Variants in BRWD3 observed in about 807,000 individuals in gnomAD.
The protein encoded by BRWD3 is bromodomain and WD repeat domain containing 3, also known as bromodomain and WD repeat-containing protein 3.
A neutral mutation model predicts 149.7 loss-of-function variants in BRWD3; 10 were observed. The observed-to-expected ratio is 0.07, with a 90% CI of 0.04 to 0.11. BRWD3 has a LOEUF of 0.11. BRWD3 is among the 10% of genes least tolerant of loss of function. The pLI, the probability that BRWD3 is intolerant of heterozygous loss-of-function variation, is 1.00. For missense variants in BRWD3, 940 were observed against 1,373.2 expected (o/e 0.68, Z 4.99); for synonymous variants, 504 against 456.7 (o/e 1.10, Z -1.32).
intron 20 of BRWD3, among the ~76,000 whole-genome samples, chrX:80,715,633 C>G (rs1017458586): frequency 3.6e-5 from 4 of 112,076 alleles, no homozygotes; most frequent in Non-Finnish European, 7.5e-5. Flanking sequence ...TGCAAAGGAC[C>G]AAAGTGTAAA....
At position 80,690,934 on chromosome X, in the gene BRWD3, A is replaced by C. The variant is rs902667301; in HGVS notation, c.3602+119T>G. The C allele has an allele frequency of 3.5e-6, 3 of 862,712 alleles. No homozygotes were observed. The African/African-American group carries it at 6.2e-5, about 18-fold the overall frequency. The allele number at this position is 862,712 out of a possible 1,213,427, so 71.1% of individuals were successfully genotyped here. On this transcript the variant is annotated intron_variant, in intron 31 of 40. Coordinates refer to ENST00000373275, the MANE Select transcript of BRWD3 (RefSeq NM_153252.5). Reference sequence around the variant, plus strand: ...AATTAATGTTCTAAATTTTTAAAGGAAATTTTGGTGTGGGTCTTTTGGATG... The same window carrying C: ...AATTAATGTTCTAAATTTTTAAAGGCAATTTTGGTGTGGGTCTTTTGGATG...
At chrX:80,688,952 C>T (rs1484293156) in intron 33 of BRWD3, among the ~76,000 whole-genome samples, 1 of 105,207 alleles carries the variant, frequency 9.5e-6, no homozygotes, top group Non-Finnish European at 2.0e-5. Context: ...CATTTAACTG[C>T]AATAATATAT....
chrX:80,690,702 ACT>A (rs927760178), intron 31 of BRWD3, among the ~76,000 whole-genome samples: 18 of 111,147 alleles, frequency 1.6e-4, no homozygotes, highest in African/African-American at 5.9e-4. Flanking sequence ...AATCTAATTA[ACT>A]CTGACCAAAT....
chrX:80,741,113 G>C (rs1466058266), intron 8 of BRWD3, among the ~76,000 whole-genome samples: 1 of 108,992 alleles, frequency 9.2e-6, no homozygotes, highest in African/African-American at 3.4e-5. Flanking sequence ...CCTGTGTCCA[G>C]GTGTTCTCAT....
At chrX:80,778,860 G>A (rs749941576) in intron 6 of BRWD3, among the ~76,000 whole-genome samples, 192 of 111,168 alleles carry the variant, frequency 1.7e-3, no homozygotes, top group Non-Finnish European at 3.3e-3. Context: ...TTAGCTGAGC[G>A]TGGTGGTGCA....
At chrX:80,751,128 A>G (rs1396710604) in intron 6 of BRWD3, among the ~76,000 whole-genome samples, 1 of 111,441 alleles carries the variant, frequency 9.0e-6, no homozygotes, top group African/African-American at 3.3e-5. Flanking sequence ...GGAGATGCTG[A>G]TCAAAGGGCA....
At chrX:80,702,582 G>A in intron 24 of BRWD3, among the ~76,000 whole-genome samples, 1 of 111,982 alleles carries the variant, frequency 8.9e-6, no homozygotes, top group East Asian at 2.8e-4. Context: ...ATGCAAACAA[G>A]CATTACTCAG....
chrX:80,686,207 T>C (rs770958698), intron 35 of BRWD3, among the ~76,000 whole-genome samples: 108 of 99,699 alleles, frequency 1.1e-3, no homozygotes, highest in Admixed American at 7.1e-4. Context: ...TAGGTGGGAA[T>C]TGAACAATGA....
At chrX:80,717,321 C>T (rs2073087160) in intron 19 of BRWD3, 1 of 366,348 alleles carries the variant, frequency 2.7e-6, no homozygotes, top group Non-Finnish European at 4.8e-6. Context: ...TTCTTTTCTT[C>T]TAATCTAGGC....
chrX:80,679,748 C>T lies in BRWD3; in HGVS notation c.4654+1593G>A, dbSNP rs769512589. Among the ~76,000 whole-genome samples, 16 of 109,033 alleles carry T rather than the reference C, an allele frequency of 1.5e-4. No individual in the cohort carries two copies. The South Asian group carries it at 5.3e-3, about 36-fold the overall frequency. The allele number at this position is 109,033 out of a possible 115,157, so 94.7% of individuals were successfully genotyped here. On this transcript the variant is annotated intron_variant, in intron 40 of 40. Transcript: ENST00000373275. ...TATAGAGATTGAAACTAAAAAAAGA[C>T]GCTAGTTGGCCACTGAAGAGTACTG...
chrX:80,695,929 T>C lies in BRWD3; in HGVS notation c.3130A>G (p.Lys1044Glu), dbSNP rs1238906571. 1.7e-6 allele frequency: 2 copies of C among 1,208,323 alleles called. No individual in the cohort carries two copies. The highest frequency in any genetic ancestry group is 1.8e-5 in the South Asian group (1 of 56,724). The change falls in exon 27 of 41, where the codon AAA becomes GAA. Residue 1044 changes from lysine to glutamate, a missense_variant. By Grantham distance (56) the Lys-to-Glu change is moderately conservative. Coordinates refer to ENST00000373275, the MANE Select transcript of BRWD3 (RefSeq NM_153252.5). ...TTACCAATCTGCCAGTTCCTTTCTT[T>C]GGCTTCATTATAAAACTGATGTAGC... The part of the protein sequence containing the change: ...LVLHQFYNEA[K>E]ERNWQIGDRF...
rs764051723 is a variant in BRWD3, at chrX:80,746,380, G to A, written c.431-651C>T. ...TTCATCTCCTATGAAGTCATTTTAA[G>A]TCCTATCTCATTTTTTTTTCTTGTT... On this transcript the variant is annotated intron_variant, in intron 6 of 40. Coordinates refer to ENST00000373275, the MANE Select transcript of BRWD3 (RefSeq NM_153252.5). 3.6e-5 allele frequency among the ~76,000 whole-genome samples: 4 copies of A among 110,232 alleles called. No individual in the cohort carries two copies. The East Asian group carries it at 1.1e-3, about 31-fold the overall frequency.
In BRWD3 at chrX:80,689,958, G is replaced by A. The variant is rs763952586; in HGVS notation, c.3728+9C>T. 7.5e-6 allele frequency: 9 copies of A among 1,205,419 alleles called. No homozygotes were observed. The highest frequency in any genetic ancestry group is 1.8e-5 in the South Asian group (1 of 56,475). On this transcript the variant is annotated intron_variant, in intron 32 of 40. Coordinates refer to ENST00000373275, the MANE Select transcript of BRWD3 (RefSeq NM_153252.5). The stretch of plus-strand genomic sequence containing the variant: ...GTTAGACTCTCTGGAAGCTAAAACT[G>A]CTTCTTACCCAATAAATCGAAGTAA...
intron 6 of BRWD3, among the ~76,000 whole-genome samples, chrX:80,746,010 A>G (rs188533938): frequency 7.0e-4 from 78 of 110,882 alleles, no homozygotes; most frequent in Middle Eastern, 4.6e-3. Flanking sequence ...TTGGTACGCT[A>G]TAGTCAAAGA....
In BRWD3 at chrX:80,673,069, G is replaced by C. The variant is rs1380478206; in HGVS notation, c.*3540C>G. Reference sequence around the variant, plus strand: ...TCTCTCAATCACTCTATTATTGTCTGATGACAATCTATGGGATTAAAACAA... The same window carrying C: ...TCTCTCAATCACTCTATTATTGTCTCATGACAATCTATGGGATTAAAACAA... On this transcript the variant is annotated 3_prime_UTR_variant, in exon 41 of 41. Transcript: ENST00000373275. 1.8e-5 allele frequency: 2 copies of C among 111,869 alleles called. No homozygotes were observed. The highest frequency in any genetic ancestry group is 3.8e-5 in the Non-Finnish European group (2 of 53,174). 9.2% of individuals were successfully genotyped at this position (111,869 alleles called of 1,213,427 possible).
rs767189184 is a variant in BRWD3 at position 80,676,510 on chromosome X, A to G, written c.*99T>C. The G allele has an allele frequency of 1.9e-6, 2 of 1,026,636 alleles. No individual in the cohort carries two copies. The highest frequency in any genetic ancestry group is 1.9e-5 in the African/African-American group (1 of 52,783). 84.6% of individuals were successfully genotyped at this position (1,026,636 alleles called of 1,213,427 possible). On this transcript the variant is annotated 3_prime_UTR_variant, in exon 41 of 41. Coordinates refer to ENST00000373275, the MANE Select transcript of BRWD3 (RefSeq NM_153252.5). ...ATGGAAAAGCACCAATGTGAAAGGA[A>G]GCAGAAGTCCCCACACAACTTGCTT...
intron 24 of BRWD3, among the ~76,000 whole-genome samples, chrX:80,701,314 G>A (rs1179555937): frequency 9.1e-6 from 1 of 109,544 alleles, no homozygotes; most frequent in Non-Finnish European, 1.9e-5. Context: ...TTGGGAGGCC[G>A]AGATTGGTGG....
intron 6 of BRWD3, among the ~76,000 whole-genome samples, chrX:80,753,305 C>T (rs1425423697): frequency 9.6e-6 from 1 of 103,974 alleles, no homozygotes; most frequent in African/African-American, 3.6e-5. Context: ...GAGTTTCACT[C>T]GTCACCCAGG....
chrX:80,800,972 A>C (rs1391746663), intron 4 of BRWD3, among the ~76,000 whole-genome samples: 1 of 110,632 alleles, frequency 9.0e-6, no homozygotes, highest in Non-Finnish European at 1.9e-5. Context: ...AGCACTGAAA[A>C]GCACTATAAC....
Sources: allele counts gnomAD v4.1 joint callset (sites outside exome capture counted in the v4.1 genomes callset), GRCh38; gene constraint gnomAD v4.1.1; transcripts MANE v1.5; gene names NCBI Gene and HGNC (gene_info 2026-07-23, HGNC 2026-07-21).